GPC5: variants seen among roughly 807,000 people sequenced by gnomAD.
The protein encoded by GPC5 is glypican-5.
A neutral mutation model predicts 53.9 loss-of-function variants in GPC5; 47 were observed. The observed-to-expected ratio is 0.87, with a 90% CI of 0.69 to 1.11. The LOEUF is 1.11. GPC5 is among the 50% of genes most tolerant of loss of function. GPC5 has a pLI of 0.00. For synonymous variants in GPC5, 286 were observed against 263.3 expected (o/e 1.09, Z -0.84); for missense variants, 748 against 713.1 (o/e 1.05, Z -0.56).
At chr13:92,311,674 G>T (rs993668575) in intron 7 of GPC5, among the ~76,000 whole-genome samples, 11 of 152,092 alleles carry the variant, frequency 7.2e-5, no homozygotes, top group African/African-American at 2.7e-4. Flanking sequence ...AAAACCATCA[G>T]ATCTCATGAG....
intron 6 of GPC5, among the ~76,000 whole-genome samples, chr13:92,035,261 G>C (rs1397367769): frequency 6.6e-6 from 1 of 151,044 alleles, no homozygotes; most frequent in Non-Finnish European, 1.5e-5. Context: ...ACTGGAACCT[G>C]TTCCAAGATG....
intron 7 of GPC5, among the ~76,000 whole-genome samples, chr13:92,593,911 C>A (rs1165648593): frequency 6.6e-6 from 1 of 152,136 alleles, no homozygotes; most frequent in Non-Finnish European, 1.5e-5. Context: ...CATTTAAATA[C>A]ATTTATTTCC....
rs1326102 is a variant in GPC5 at position 92,785,671 on chromosome 13, C to T, written c.1562-80611C>T. ...TTTTTGCACCATTCATTTGCTTAGT[C>T]TATGAAAAGGTGCTATGTATCCAGG... On this transcript the variant is annotated intron_variant, in intron 7 of 7. Coordinates refer to ENST00000377067, the MANE Select transcript of GPC5 (RefSeq NM_004466.6). 2.4e-3 allele frequency among the ~76,000 whole-genome samples: 358 copies of T among 152,242 alleles called. 2 individuals are homozygous for T. The highest frequency in any genetic ancestry group is 8.0e-3 in the African/African-American group (332 of 41,554).
chr13:92,025,651 A>C (rs557014936), intron 6 of GPC5, among the ~76,000 whole-genome samples: 1 of 152,252 alleles, frequency 6.6e-6, no homozygotes, highest in East Asian at 1.9e-4. Flanking sequence ...GTACAGAAAG[A>C]GGGATTTTGT....
At chr13:92,280,888 C>T (rs576717265) in intron 7 of GPC5, among the ~76,000 whole-genome samples, 31 of 152,216 alleles carry the variant, frequency 2.0e-4, no homozygotes, top group Non-Finnish European at 3.1e-4. Context: ...TGGGGCTTGT[C>T]GGACAGTGGG....
intron 7 of GPC5, among the ~76,000 whole-genome samples, chr13:92,855,219 T>C (rs928185313): frequency 6.6e-6 from 1 of 152,038 alleles, no homozygotes; most frequent in Non-Finnish European, 1.5e-5. Flanking sequence ...TGTTTGTTCA[T>C]TTGTTTCTTC....
At chr13:92,541,707 T>G (rs75272823) in intron 7 of GPC5, among the ~76,000 whole-genome samples, 1 of 151,918 alleles carries the variant, frequency 6.6e-6, no homozygotes, top group Non-Finnish European at 1.5e-5. Flanking sequence ...CTCATGAGTA[T>G]TTTCTCCTAC....
chr13:91,593,455 G>A (rs7998085), intron 2 of GPC5, among the ~76,000 whole-genome samples: 129,837 of 152,184 alleles, frequency 0.85, 57,252 homozygotes, highest in Non-Finnish European at 0.96. Context: ...AATGTTTGTA[G>A]TATGATGTCT....
chr13:92,137,678 T>G (rs2041795802), intron 6 of GPC5, among the ~76,000 whole-genome samples: 1 of 152,220 alleles, frequency 6.6e-6, no homozygotes, highest in Admixed American at 6.5e-5. Context: ...CAGGCTTTAG[T>G]GCAGTGATGC....
chr13:92,165,635 T>A (rs2042021993), intron 7 of GPC5, among the ~76,000 whole-genome samples: 2 of 152,138 alleles, frequency 1.3e-5, no homozygotes, highest in South Asian at 4.1e-4. Flanking sequence ...TTCCGTCACC[T>A]CTCATGAGGC....
At chr13:92,009,888 G>A (rs1419771315) in intron 6 of GPC5, among the ~76,000 whole-genome samples, 1 of 152,124 alleles carries the variant, frequency 6.6e-6, no homozygotes, top group African/African-American at 2.4e-5. Flanking sequence ...ATATTTCACA[G>A]TTGCTTTCAA....
At chr13:91,412,148 A>G (rs1566372700) in intron 1 of GPC5, among the ~76,000 whole-genome samples, 1 of 152,214 alleles carries the variant, frequency 6.6e-6, no homozygotes, top group Non-Finnish European at 1.5e-5. Flanking sequence ...TACGCTGTCA[A>G]TTCAATCACC....
In GPC5 at chr13:91,813,316, T is replaced by C. The variant is rs547363265; in HGVS notation, c.1280+56896T>C. 2.6e-5 allele frequency among the ~76,000 whole-genome samples: 4 copies of C among 152,346 alleles called. No individual in the cohort carries two copies. In the East Asian group the frequency reaches 7.7e-4, roughly 29 times the overall value. On this transcript the variant is annotated intron_variant, in intron 5 of 7. Transcript: ENST00000377067. Reference sequence around the variant, plus strand: ...ATGATCCTGCTGAAAGCTCCCTTGCTTCTTTGGAGCTCTGAGGGGAGCTTT... The same window carrying C: ...ATGATCCTGCTGAAAGCTCCCTTGCCTCTTTGGAGCTCTGAGGGGAGCTTT...
At chr13:91,985,170 GT>G (rs1329600196) in intron 6 of GPC5, among the ~76,000 whole-genome samples, 1 of 152,068 alleles carries the variant, frequency 6.6e-6, no homozygotes. Context: ...ATTACTTTAT[GT>G]TTTTGTTAAA....
chr13:92,391,003 T>C (rs1197609972), intron 7 of GPC5, among the ~76,000 whole-genome samples: 1 of 152,138 alleles, frequency 6.6e-6, no homozygotes, highest in East Asian at 1.9e-4. Context: ...GAGATAAAAT[T>C]ATGAAATTAT....
intron 6 of GPC5, among the ~76,000 whole-genome samples, chr13:92,139,678 A>AG (rs2041815079): frequency 7.4e-6 from 1 of 134,374 alleles, no homozygotes; most frequent in Admixed American, 7.7e-5. Flanking sequence ...AAAAAAAAAA[A>AG]AAAAAAAGTG....
At chr13:92,348,304 A>G (rs2043444940) in intron 7 of GPC5, among the ~76,000 whole-genome samples, 2 of 151,944 alleles carry the variant, frequency 1.3e-5, no homozygotes, top group South Asian at 2.1e-4. Flanking sequence ...AAACAAAAAG[A>G]AAAGCTCAAA....
chr13:91,567,491 G>A (rs1816363041), intron 2 of GPC5, among the ~76,000 whole-genome samples: 1 of 152,126 alleles, frequency 6.6e-6, no homozygotes, highest in African/African-American at 2.4e-5. Context: ...ACTGAATCAG[G>A]GCAGCCCTGA....
intron 7 of GPC5, among the ~76,000 whole-genome samples, chr13:92,746,949 G>T (rs1021534157): frequency 7.2e-5 from 11 of 152,136 alleles, no homozygotes; most frequent in Non-Finnish European, 1.6e-4. Flanking sequence ...TAAGTATATG[G>T]TATAGCTTAT....
Sources: allele counts gnomAD v4.1 joint callset (sites outside exome capture counted in the v4.1 genomes callset), GRCh38; gene constraint gnomAD v4.1.1; transcripts MANE v1.5; gene names NCBI Gene and HGNC (gene_info 2026-07-23, HGNC 2026-07-21).